SEC24A: variants seen among roughly 807,000 people sequenced by gnomAD.
SEC24A encodes the protein protein transport protein Sec24A.
A neutral mutation model predicts 129.4 loss-of-function variants in SEC24A; 93 were observed. The observed-to-expected ratio is 0.72, with a 90% CI of 0.61 to 0.85. The LOEUF (loss-of-function observed/expected upper bound fraction) is 0.85. SEC24A is among the 40% of genes least tolerant of loss of function. The pLI is 0.00. For synonymous variants in SEC24A, 460 were observed against 467.3 expected (o/e 0.98, Z 0.20); for missense variants, 1,264 against 1,307.4 (o/e 0.97, Z 0.51).
At chr5:134,675,337 G>A in intron 6 of SEC24A, 120 bp downstream of exon 6, 1 of 729,394 alleles carries the variant, frequency 1.4e-6, no homozygotes. Context: ...TCTGGATACA[G>A]ATGATAGAAC....
At chr5:134,724,055 A>T (rs372901878) in intron 22 of SEC24A, among the ~76,000 whole-genome samples, 1 of 152,188 alleles carries the variant, frequency 6.6e-6, no homozygotes, top group East Asian at 1.9e-4. Context: ...TGTGTAATAG[A>T]TCACCAGAAT....
At chr5:134,723,780 A>ATT in intron 22 of SEC24A, 110 bp downstream of exon 22, 1 of 653,934 alleles carries the variant, frequency 1.5e-6, no homozygotes, top group Non-Finnish European at 2.7e-6. Context: ...TCTTCTCAAT[A>ATT]AATAGCAGTA....
intron 4 of SEC24A, 93 bp downstream of exon 4, chr5:134,671,979 G>A: frequency 2.6e-6 from 2 of 765,700 alleles, no homozygotes; most frequent in South Asian, 1.6e-5. Flanking sequence ...AAACTAAGAG[G>A]GAAACTTCAT....
intron 17 of SEC24A, among the ~76,000 whole-genome samples, chr5:134,707,642 A>C (rs1046988031): frequency 2.6e-5 from 4 of 151,966 alleles, no homozygotes; most frequent in Non-Finnish European, 5.9e-5. Context: ...TTTTTTGTTT[A>C]AGTTACTTTT....
rs1322656568 is a variant in SEC24A at position 134,697,984 on chromosome 5, A to G, written c.2193A>G (p.Leu731=). The change falls in exon 15 of 23, where the codon TTA becomes TTG. Residue 731 remains leucine (L), a synonymous_variant. Coordinates refer to ENST00000398844, the MANE Select transcript of SEC24A (RefSeq NM_021982.3). ...ACAACCCAGTCCAAGTACAGAAATT[A>G]CAGAAGGAACTACAGAGATACCTTA... The part of the protein sequence containing the change: ...HQHNPVQVQK[L]QKELQRYLTR... 1.2e-6 allele frequency: 2 copies of G among 1,614,076 alleles called. No individual in the cohort carries two copies. Among genetic ancestry groups the G allele is most frequent in the Non-Finnish European group, 1.7e-6 (2 of 1,179,950 alleles).
In SEC24A at chr5:134,726,221, ATAT is replaced by A. The variant is rs957889259; in HGVS notation, c.*1131_*1133del. 1.3e-5 allele frequency: 2 copies of A among 152,566 alleles called. No homozygotes were observed. The highest frequency in any genetic ancestry group is 1.3e-4 in the Admixed American group (2 of 15,270). The allele number at this position is 152,566 out of a possible 1,614,324, so 9.5% of individuals were successfully genotyped here. On this transcript the variant is annotated 3_prime_UTR_variant, in exon 23 of 23. Coordinates refer to ENST00000398844, the MANE Select transcript of SEC24A (RefSeq NM_021982.3). Reference sequence around the variant, plus strand: ...CTGCTTTCTTGATTCAGCTAGAGAAATATTATAGTCAAAACTATTGAGTGAATT... The same window carrying A: ...CTGCTTTCTTGATTCAGCTAGAGAAATATAGTCAAAACTATTGAGTGAATT...
chr5:134,698,657 T>C (rs1233024245), intron 15 of SEC24A, among the ~76,000 whole-genome samples: 1 of 134,934 alleles, frequency 7.4e-6, no homozygotes, highest in African/African-American at 2.8e-5. Flanking sequence ...TTTGAGATGG[T>C]ATATTGCTCT....
chr5:134,675,584 A>G (rs1751031729), intron 6 of SEC24A, among the ~76,000 whole-genome samples: 1 of 152,076 alleles, frequency 6.6e-6, no homozygotes, highest in Non-Finnish European at 1.5e-5. Flanking sequence ...TTTTTCCTAA[A>G]AACTTACCAT....
intron 11 of SEC24A, among the ~76,000 whole-genome samples, chr5:134,691,332 C>T (rs1751643355): frequency 6.6e-6 from 1 of 150,486 alleles, no homozygotes; most frequent in Non-Finnish European, 1.5e-5. Context: ...CCACGCCTGG[C>T]TACTTTTTAT....
At chr5:134,696,042 G>A (rs1466379449) in intron 13 of SEC24A, among the ~76,000 whole-genome samples, 2 of 151,850 alleles carry the variant, frequency 1.3e-5, no homozygotes, top group South Asian at 2.1e-4. Flanking sequence ...CGAGGCAGGC[G>A]GATCATCTAA....
In SEC24A at chr5:134,650,761, T is replaced by TTTTG. The variant is rs57886709; in HGVS notation, c.97+1612_97+1615dup. Among the ~76,000 whole-genome samples the TTTTG allele has an allele frequency of 8.3e-3, 1,258 of 151,858 alleles. 13 individuals carry two copies. The highest frequency in any genetic ancestry group is 0.028 in the African/African-American group (1,157 of 41,360). Reference sequence around the variant, plus strand: ...TTATAAGTTCCATTTCTACAGGGTTTTTTGTTTGTTTGTTTGTTTGTTTGT... The same window carrying TTTTG: ...TTATAAGTTCCATTTCTACAGGGTTTTTTGTTTGTTTGTTTGTTTGTTTGTTTGT... On this transcript the variant is annotated intron_variant, in intron 1 of 22. Coordinates refer to ENST00000398844, the MANE Select transcript of SEC24A (RefSeq NM_021982.3).
intron 1 of SEC24A, among the ~76,000 whole-genome samples, chr5:134,655,907 G>GT (rs915408275): frequency 1.3e-5 from 2 of 151,452 alleles, no homozygotes; most frequent in East Asian, 3.9e-4. Flanking sequence ...ATTTCTGATT[G>GT]TTTTTTTCTC....
In SEC24A at chr5:134,686,774, A is replaced by T; in HGVS notation, c.1492-16A>T. On this transcript the variant is annotated splice_polypyrimidine_tract_variant and intron_variant, in intron 9 of 22. Transcript: ENST00000398844. Reference sequence around the variant, plus strand: ...AATCCTGTTAAATGTACTTAACAAGATCTTTTTTTCTTCAGTTACGACCAC... The same window carrying T: ...AATCCTGTTAAATGTACTTAACAAGTTCTTTTTTTCTTCAGTTACGACCAC... 6.8e-7 allele frequency: 1 copy of T among 1,477,384 alleles called. No homozygotes were observed. The highest frequency in any genetic ancestry group is 9.3e-7 in the Non-Finnish European group (1 of 1,071,102). The allele number at this position is 1,477,384 out of a possible 1,614,324, so 91.5% of individuals were successfully genotyped here. A position where few individuals can be genotyped will look rare whatever the true frequency, so the allele number is the denominator to read the frequency against.
intron 1 of SEC24A, among the ~76,000 whole-genome samples, chr5:134,652,591 G>GGTGTTTT (rs1750097207): frequency 6.6e-6 from 1 of 150,768 alleles, no homozygotes; most frequent in Admixed American, 6.6e-5. Context: ...TGGCCAGTTT[G>GGTGTTTT]GTGTTTTTTG....
Position 134,661,388 on chromosome 5 carries a change from T to G in SEC24A, c.367T>G (p.Ser123Ala). 1 of 1,614,184 alleles carries G rather than the reference T, an allele frequency of 6.2e-7. No individual in the cohort carries two copies. The highest frequency in any genetic ancestry group is 8.5e-7 in the Non-Finnish European group (1 of 1,180,028). Residue 123 changes from serine (S) to alanine (A), a missense_variant, in exon 2 of 23, where the codon TCT (serine) becomes GCT (alanine). By Grantham distance (99) the Ser-to-Ala change is moderately conservative. Transcript: ENST00000398844. ...GAACCCAGCTACTACACCAATGCCTTCTAGTAGCTTTCTTCCTGAAGCCAA... is the reference window on the plus strand; with the variant it reads ...GAACCCAGCTACTACACCAATGCCTGCTAGTAGCTTTCTTCCTGAAGCCAA... ...SQNPATTPMPSSSFLPEANLP... is the reference protein window; with the variant it reads ...SQNPATTPMPASSFLPEANLP...
chr5:134,716,789 A>G (rs1752488077), intron 19 of SEC24A, among the ~76,000 whole-genome samples: 1 of 149,152 alleles, frequency 6.7e-6, no homozygotes, highest in Non-Finnish European at 1.5e-5. Flanking sequence ...CAATAGAGCA[A>G]GATTCCATCT....
intron 21 of SEC24A, among the ~76,000 whole-genome samples, chr5:134,722,310 G>C (rs530291604): frequency 3.9e-5 from 6 of 152,196 alleles, no homozygotes; most frequent in Admixed American, 1.3e-4. Flanking sequence ...GCCCAACATG[G>C]AGAAACCCCC....
At chr5:134,695,186 A>G (rs1751781059) in intron 13 of SEC24A, among the ~76,000 whole-genome samples, 1 of 152,108 alleles carries the variant, frequency 6.6e-6, no homozygotes, top group African/African-American at 2.4e-5. Context: ...TCTGGGCAAC[A>G]TAGTGAGACC....
chr5:134,703,789 T>G lies in SEC24A; in HGVS notation c.2297T>G (p.Phe766Cys). 1 of 1,613,376 alleles carries G rather than the reference T, an allele frequency of 6.2e-7. No individual in the cohort carries two copies. The highest frequency in any genetic ancestry group is 8.5e-7 in the Non-Finnish European group (1 of 1,179,426). Residue 766 changes from phenylalanine (F) to cysteine (C), a missense_variant, in exon 16 of 23, where the codon TTC (phenylalanine) becomes TGC (cysteine). By Grantham distance (205) the Phe-to-Cys change is radical (BLOSUM62 -2). Transcript: ENST00000398844. ...GLSIHTFHGN[F>C]FVRSTDLLSL... ...TCCATTCATACTTTCCATGGAAACT[T>G]CTTTGTTAGGTCAACCGACTTACTG...
Sources: allele counts gnomAD v4.1 joint callset (sites outside exome capture counted in the v4.1 genomes callset), GRCh38; gene constraint gnomAD v4.1.1; transcripts MANE v1.5; gene names NCBI Gene and HGNC (gene_info 2026-07-23, HGNC 2026-07-21).